Variants in GLIS3 observed in about 807,000 individuals in gnomAD.
The protein encoded by GLIS3 is zinc finger protein GLIS3.
In GLIS3, 53 loss-of-function variants were observed where a neutral mutation model predicts 78.6. The observed-to-expected ratio is 0.67, with a 90% CI of 0.54 to 0.85. GLIS3 has a LOEUF of 0.85. Ranked by LOEUF, GLIS3 falls within the 40% of genes least tolerant of loss-of-function variation. The pLI is 0.00. For missense variants in GLIS3, 1,703 were observed against 1,231.1 expected, an observed-to-expected ratio of 1.38 and a Z score of -5.74; for synonymous variants, 684 against 509.9, an observed-to-expected ratio of 1.34 and a Z score of -4.60.
chr9:3,970,952 G>A (rs1034556045), intron 4 of GLIS3, among the ~76,000 whole-genome samples: 13 of 151,778 alleles, frequency 8.6e-5, no homozygotes, highest in African/African-American at 3.1e-4. Context: ...AAGAAGAAAT[G>A]GAAGGAAAAG....
the GLIS3 span, among the ~76,000 whole-genome samples, chr9:4,451,466 C>G: frequency 6.6e-6 from 1 of 152,104 alleles, no homozygotes; most frequent in Non-Finnish European, 1.5e-5. Flanking sequence ...CAAGGATATC[C>G]AGGAATTGAA....
the GLIS3 span, among the ~76,000 whole-genome samples, chr9:4,358,412 A>C: frequency 6.6e-6 from 1 of 152,180 alleles, no homozygotes; most frequent in Non-Finnish European, 1.5e-5. Flanking sequence ...TCACAAACCG[A>C]AATGTTCATT....
chr9:4,000,737 A>G (rs1328406806), intron 4 of GLIS3, among the ~76,000 whole-genome samples: 1 of 152,092 alleles, frequency 6.6e-6, no homozygotes, highest in Non-Finnish European at 1.5e-5. Context: ...CCTGCCGCTC[A>G]CCTGCATTCT....
chr9:4,099,375 T>C (rs2130792352), intron 4 of GLIS3, among the ~76,000 whole-genome samples: 1 of 152,312 alleles, frequency 6.6e-6, no homozygotes, highest in Middle Eastern at 3.4e-3. Context: ...GGCTTGCAGA[T>C]GCGTCACTCC....
chr9:4,293,118 G>A lies in GLIS3; in HGVS notation c.-99+6303C>T, dbSNP rs769736354. ...CAAGAGGGTACATAAGGAATAAAATGTGGCAAATGAAAAGAGCATTCATTA... is the reference window on the plus strand; with the variant it reads ...CAAGAGGGTACATAAGGAATAAAATATGGCAAATGAAAAGAGCATTCATTA... On this transcript the variant is annotated intron_variant, in intron 1 of 10. Transcript: ENST00000381971. 3.3e-5 allele frequency among the ~76,000 whole-genome samples: 5 copies of A among 152,168 alleles called. 1 individual carries two copies. The highest frequency in any genetic ancestry group is 1.3e-4 in the Admixed American group (2 of 15,274).
chr9:4,066,896 T>C (rs1019182875), intron 4 of GLIS3, among the ~76,000 whole-genome samples: 3 of 152,178 alleles, frequency 2.0e-5, no homozygotes, highest in Non-Finnish European at 4.4e-5. Flanking sequence ...CGGGCATCTT[T>C]CCGTGGATCA....
At chr9:4,166,205 C>T (rs1835879638) in intron 2 of GLIS3, among the ~76,000 whole-genome samples, 1 of 152,152 alleles carries the variant, frequency 6.6e-6, no homozygotes, top group African/African-American at 2.4e-5. Flanking sequence ...CATCCAAAAA[C>T]TGTTAGCTAT....
At chr9:4,365,921 C>T in the GLIS3 span, among the ~76,000 whole-genome samples, 1 of 152,216 alleles carries the variant, frequency 6.6e-6, no homozygotes, top group East Asian at 1.9e-4. Flanking sequence ...TTCATGTATT[C>T]ACACTCTAGA....
chr9:4,234,268 C>G (rs1043761785), intron 2 of GLIS3, among the ~76,000 whole-genome samples: 1 of 152,188 alleles, frequency 6.6e-6, no homozygotes, highest in African/African-American at 2.4e-5. Flanking sequence ...CCTCAATAGG[C>G]TTAAGCATTT....
Position 3,856,086 on chromosome 9 carries a change from T to A in GLIS3, c.2396A>T (p.Gln799Leu), listed in dbSNP as rs546482250. 3 of 1,614,230 alleles carry A rather than the reference T, an allele frequency of 1.9e-6. No homozygotes were observed. In the African/African-American group the frequency reaches 4.0e-5, roughly 22 times the overall value. ...GGACTTCAGGTGTGAACCTGATGGC[T>A]GCTGGGTATAGGGAGGCTGTGTTCT... ...LQRTQPPYTQ[Q>L]PSGSHLKSYQ... The change falls in exon 9 of 11, where the codon CAG (glutamine) becomes CTG (leucine). Residue 799 changes from glutamine (Q) to leucine (L), a missense_variant. Physicochemically the swap from Gln to Leu is moderately radical, Grantham distance 113. Transcript: ENST00000381971.
intron 2 of GLIS3, among the ~76,000 whole-genome samples, chr9:4,162,379 C>G (rs79912318): frequency 6.6e-6 from 1 of 152,176 alleles, no homozygotes; most frequent in Non-Finnish European, 1.5e-5. Flanking sequence ...ATCTTTCAAG[C>G]AAGTGTGATT....
chr9:4,374,672 A>T, the GLIS3 span, among the ~76,000 whole-genome samples: 1 of 152,226 alleles, frequency 6.6e-6, no homozygotes, highest in African/African-American at 2.4e-5. Context: ...AGAGAATGAG[A>T]CCTAAGTTGG....
intron 3 of GLIS3, among the ~76,000 whole-genome samples, chr9:4,119,392 C>G (rs572817516): frequency 6.6e-6 from 1 of 152,186 alleles, no homozygotes; most frequent in South Asian, 2.1e-4. Context: ...TCCTCAAAGT[C>G]AAAGGGTTGT....
rs529673797 is a variant in GLIS3, at chr9:4,322,755, GTTGT to G, written n.265-12231_265-12228del. On this transcript the variant is annotated intron_variant and non_coding_transcript_variant, in intron 2 of 4. Transcript: ENST00000471664. ...TATACTTTGCCCACTTTTTGATGGGGTTGTTTGATTTTTTCTTGTAAATTTGTTT... is the reference window on the plus strand; with the variant it reads ...TATACTTTGCCCACTTTTTGATGGGGTTGATTTTTTCTTGTAAATTTGTTT... Among the ~76,000 whole-genome samples, 48 of 152,262 alleles carry G rather than the reference GTTGT, an allele frequency of 3.2e-4. 1 individual carries two copies. In the South Asian group the frequency reaches 6.4e-3, roughly 20 times the overall value.
At chr9:3,922,996 A>G (rs1824988472) in intron 6 of GLIS3, among the ~76,000 whole-genome samples, 1 of 152,132 alleles carries the variant, frequency 6.6e-6, no homozygotes, top group African/African-American at 2.4e-5. Context: ...GTGGAAAGCC[A>G]CTCCTAGAAT....
intron 3 of GLIS3, among the ~76,000 whole-genome samples, chr9:4,121,729 C>T (rs756776640): frequency 2.0e-5 from 3 of 152,104 alleles, no homozygotes; most frequent in Non-Finnish European, 4.4e-5. Context: ...GGATCATACA[C>T]ATTCTCTATT....
At chr9:4,221,196 T>A (rs916240112) in intron 2 of GLIS3, among the ~76,000 whole-genome samples, 12 of 152,172 alleles carry the variant, frequency 7.9e-5, no homozygotes, top group African/African-American at 2.9e-4. Flanking sequence ...AAAACTCTTG[T>A]CATTTTTGAA....
At chr9:4,321,461 A>AAAAAAAAAAAAAAAAAAAAAAAAAAAAAT (rs1563932116) in intron 2 of GLIS3, among the ~76,000 whole-genome samples, 1 of 140,920 alleles carries the variant, frequency 7.1e-6, no homozygotes, top group African/African-American at 2.7e-5. Flanking sequence ...AAAAAAAAAA[A>AAAAAAAAAAAAAAAAAAAAAAAAAAAAAT]AATCAGGTGC....
the GLIS3 span, among the ~76,000 whole-genome samples, chr9:4,388,722 C>G: frequency 6.6e-6 from 1 of 151,846 alleles, no homozygotes; most frequent in Non-Finnish European, 1.5e-5. Context: ...AAATAAAAGT[C>G]TCCAGAATTC....
Sources: allele counts gnomAD v4.1 joint callset (sites outside exome capture counted in the v4.1 genomes callset), GRCh38; gene constraint gnomAD v4.1.1; transcripts MANE v1.5; gene names NCBI Gene and HGNC (gene_info 2026-07-23, HGNC 2026-07-21).